Variants in ZFAT observed in about 807,000 individuals in gnomAD.
ZFAT encodes the protein zinc finger and AT-hook domain containing.
ZFAT carries 64 observed loss-of-function variants against 117.7 expected under a neutral mutation model. The observed-to-expected ratio is 0.54, with a 90% CI of 0.44 to 0.67. ZFAT has a LOEUF of 0.67. Among genes scored for constraint, ZFAT ranks in the 30% least tolerant of loss-of-function variants. The pLI, the probability that ZFAT is intolerant of heterozygous loss-of-function variation, is 0.00. For synonymous variants in ZFAT, 679 were observed against 615.0 expected (o/e 1.10, Z -1.54); for missense variants, 1,433 against 1,584.5 (o/e 0.90, Z 1.62).
At chr8:134,621,788 TCTG>T (rs1829132054) in intron 3 of ZFAT, among the ~76,000 whole-genome samples, 1 of 152,158 alleles carries the variant, frequency 6.6e-6, no homozygotes, top group South Asian at 2.1e-4. Context: ...ACTAAGCAAC[TCTG>T]AAGAGCCCTG....
At chr8:134,676,564 A>G (rs1832816282) in intron 1 of ZFAT, among the ~76,000 whole-genome samples, 1 of 152,208 alleles carries the variant, frequency 6.6e-6, no homozygotes, top group South Asian at 2.1e-4. Flanking sequence ...AAGGATATCC[A>G]GGACTTGAAC....
the ZFAT span, among the ~76,000 whole-genome samples, chr8:134,776,495 G>A: frequency 2.0e-5 from 3 of 152,110 alleles, no homozygotes; most frequent in South Asian, 6.2e-4. Flanking sequence ...GTAGAGACAG[G>A]GTCTCACCAT....
chr8:134,689,060 C>T (rs1833472565), intron 1 of ZFAT, among the ~76,000 whole-genome samples: 1 of 152,182 alleles, frequency 6.6e-6, no homozygotes, highest in African/African-American at 2.4e-5. Flanking sequence ...GGATTCAACT[C>T]CAGACCTGAC....
At chr8:134,565,544 G>T in intron 10 of ZFAT, 123 bp from the exon 11 acceptor site, 1 of 923,928 alleles carries the variant, frequency 1.1e-6, no homozygotes, top group Non-Finnish European at 1.7e-6. Context: ...CAGAATCTCA[G>T]AAGGGAACAG....
chr8:134,486,146 G>A (rs1037634717), intron 15 of ZFAT, among the ~76,000 whole-genome samples: 11 of 152,278 alleles, frequency 7.2e-5, no homozygotes, highest in Admixed American at 7.2e-4. Flanking sequence ...AATGACAGTG[G>A]GATGGCATCA....
chr8:134,739,749 G>A, the ZFAT span, among the ~76,000 whole-genome samples: 1 of 152,358 alleles, frequency 6.6e-6, no homozygotes, highest in South Asian at 2.1e-4. Flanking sequence ...AGAAACCATA[G>A]GGTCTGATGG....
Position 134,478,762 on chromosome 8 carries a change from T to C in ZFAT, c.3493-41A>G. ...AAGAGAAAGGTCACCCAGCGCCTAC[T>C]TCCCGGTCCAGCGTAACAACAAAGT... On this transcript the variant is annotated intron_variant, in intron 15 of 15. Coordinates refer to ENST00000377838, the MANE Select transcript of ZFAT (RefSeq NM_020863.4). This position sits in a 1 kb window ranked among gnomAD's most constrained non-coding sequence, Gnocchi z 5.2. 1 of 1,530,274 alleles carries C rather than the reference T, an allele frequency of 6.5e-7. No individual in the cohort carries two copies. The highest frequency in any genetic ancestry group is 8.8e-7 in the Non-Finnish European group (1 of 1,136,666). 94.8% of individuals were successfully genotyped at this position (1,530,274 alleles called of 1,614,324 possible).
At chr8:134,582,730 C>A (rs564147417) in intron 10 of ZFAT, among the ~76,000 whole-genome samples, 1 of 152,104 alleles carries the variant, frequency 6.6e-6, no homozygotes, top group African/African-American at 2.4e-5. Flanking sequence ...CTGAGTCCCT[C>A]GAGCTCACCT....
chr8:134,612,239 G>T (rs983000439), intron 3 of ZFAT, among the ~76,000 whole-genome samples: 3 of 152,242 alleles, frequency 2.0e-5, no homozygotes. Context: ...AAGGGAAGCA[G>T]GGTGCGCAAG....
chr8:134,716,184 T>C (rs59520136), upstream of ZFAT, among the ~76,000 whole-genome samples: 54,717 of 148,752 alleles, frequency 0.37, 9,989 homozygotes, highest in East Asian at 0.41. Flanking sequence ...CACACACACA[T>C]ATATATATAT....
chr8:134,661,318 G>C (rs1831915390), intron 1 of ZFAT, among the ~76,000 whole-genome samples: 1 of 152,218 alleles, frequency 6.6e-6, no homozygotes, highest in Non-Finnish European at 1.5e-5. Context: ...GAGATCCCCA[G>C]CACAGTCACT....
chr8:134,715,809 G>A (rs188004954), upstream of ZFAT, among the ~76,000 whole-genome samples: 77 of 152,226 alleles, frequency 5.1e-4, no homozygotes, highest in African/African-American at 1.7e-3. Flanking sequence ...AATATAATTT[G>A]CACAACTGAA....
intron 2 of ZFAT, among the ~76,000 whole-genome samples, chr8:134,648,107 T>A (rs1248452861): frequency 6.6e-6 from 1 of 152,076 alleles, no homozygotes; most frequent in South Asian, 2.1e-4. Flanking sequence ...GATTGTGGTA[T>A]CATTTCACAA....
chr8:134,740,379 C>G, the ZFAT span, among the ~76,000 whole-genome samples: 16 of 152,346 alleles, frequency 1.1e-4, no homozygotes, highest in East Asian at 2.7e-3. Context: ...CTACCCACAG[C>G]GTGGTCCTGG....
At chr8:134,539,516 G>A (rs1259912089) in intron 11 of ZFAT, among the ~76,000 whole-genome samples, 1 of 152,214 alleles carries the variant, frequency 6.6e-6, no homozygotes, top group East Asian at 1.9e-4. Flanking sequence ...TGACACTAGT[G>A]TGTGAAATCT....
At chr8:134,503,560 T>C (rs1819150807) in intron 15 of ZFAT, among the ~76,000 whole-genome samples, 1 of 152,210 alleles carries the variant, frequency 6.6e-6, no homozygotes, top group Non-Finnish European at 1.5e-5. Context: ...ATGGCTGTGA[T>C]GGTGTTTTTG....
chr8:134,502,885 C>T (rs1044991905), intron 15 of ZFAT, among the ~76,000 whole-genome samples: 1 of 152,296 alleles, frequency 6.6e-6, no homozygotes, highest in South Asian at 2.1e-4. Context: ...CACTGAGGCC[C>T]CAGCACACAG....
chr8:134,610,278 C>T (rs1430775120), intron 4 of ZFAT, among the ~76,000 whole-genome samples, 192 bp downstream of exon 4: 1 of 152,204 alleles, frequency 6.6e-6, no homozygotes, highest in East Asian at 1.9e-4. Context: ...GCCCTCACAG[C>T]TTCTCCTCCA....
the ZFAT span, among the ~76,000 whole-genome samples, chr8:134,775,372 C>T: frequency 6.6e-6 from 1 of 152,138 alleles, no homozygotes; most frequent in Non-Finnish European, 1.5e-5. Flanking sequence ...AGAGTGCTAA[C>T]AAGTTTCAAG....
Sources: gnomAD v4.1 joint callset for allele counts (sites outside exome capture counted in the v4.1 genomes callset) on GRCh38, gnomAD v4.1.1 for gene constraint, Gnocchi (gnomAD v3.1) non-coding constraint, MANE v1.5 for transcripts, NCBI Gene and HGNC (gene_info 2026-07-23, HGNC 2026-07-21) for gene names.